HAS3: variants seen among roughly 807,000 people sequenced by gnomAD.
HAS3 encodes the protein HA synthase 3.
In HAS3, 27 loss-of-function variants were observed where a neutral mutation model predicts 50.3. That is an observed-to-expected ratio of 0.54 (90% CI 0.40 to 0.74). The LOEUF (loss-of-function observed/expected upper bound fraction) is 0.74, where lower values mean the gene tolerates loss of function less well. Among genes scored for constraint, HAS3 ranks in the 30% least tolerant of loss-of-function variants. The probability of loss-of-function intolerance (pLI) is 0.00; values close to 1 mark genes in which losing one functional copy is unlikely to be tolerated. For missense variants in HAS3, 517 were observed against 742.8 expected, an observed-to-expected ratio of 0.70 and a Z score of 3.53; for synonymous variants, 339 against 310.9, an observed-to-expected ratio of 1.09 and a Z score of -0.95.
rs1961128962 is a variant in HAS3 at position 69,114,867 on chromosome 16, T to C, written c.1263T>C (p.Ile421=). 2 of 1,613,990 alleles carry C rather than the reference T, an allele frequency of 1.2e-6. No individual in the cohort carries two copies. Among genetic ancestry groups the C allele is most frequent in the Non-Finnish European group, 1.7e-6 (2 of 1,180,024 alleles). ...LFLLTVQLVG[I]IKATYACFLR... ...TGCTGACGGTGCAGCTGGTGGGCAT[T>C]ATCAAGGCCACCTACGCCTGCTTCC... Residue 421 remains isoleucine, a synonymous_variant, in exon 4 of 4, where the codon ATT becomes ATC. Transcript: ENST00000569188. The surrounding 1 kb of genome is among the most constrained non-coding windows in gnomAD (Gnocchi z 6.4).
chr16:69,110,121 G>C, intron 2 of HAS3, 90 bp downstream of exon 2: 1 of 1,316,436 alleles, frequency 7.6e-7, no homozygotes, highest in Non-Finnish European at 1.0e-6. Flanking sequence ...GTCTGGTCTA[G>C]GTCCCTTGGG....
rs754949236 is a variant in HAS3 at position 69,107,961 on chromosome 16, G to C, written c.1-1435G>C. ...TCTCAGGTCGATTTAGGCAGTGACT[G>C]CGTGTTCTTCGTCCCTTCTACGTGA... On this transcript the variant is annotated intron_variant, in intron 1 of 3. Coordinates refer to ENST00000569188, the MANE Select transcript of HAS3 (RefSeq NM_001199280.2). This position sits in a 1 kb window ranked among gnomAD's most constrained non-coding sequence, Gnocchi z 5.5. Among the ~76,000 whole-genome samples the C allele has an allele frequency of 6.6e-6, 1 of 152,254 alleles. No individual in the cohort carries two copies. The highest frequency in any genetic ancestry group is 2.4e-5 in the African/African-American group (1 of 41,472).
intron 2 of HAS3, among the ~76,000 whole-genome samples, chr16:69,111,642 T>A (rs1248075667): frequency 2.0e-5 from 3 of 152,284 alleles, no homozygotes; most frequent in African/African-American, 7.2e-5. Context: ...TGAGGGTTGA[T>A]ATGTTTATCT....
rs1262660177 is a variant in HAS3, at chr16:69,115,773, G to A, written c.*507G>A. ...ATCAATGCAATAAGATTGCGCCTGA[G>A]ATACAAGGCCCAGAAGCCTGATCTT... On this transcript the variant is annotated 3_prime_UTR_variant, in exon 4 of 4. Coordinates refer to ENST00000569188, the MANE Select transcript of HAS3 (RefSeq NM_001199280.2). The A allele has an allele frequency of 8.1e-6, 8 of 986,140 alleles. No homozygotes were observed. The highest frequency in any genetic ancestry group is 8.4e-6 in the Non-Finnish European group (7 of 830,394). 61.1% of individuals were successfully genotyped at this position (986,140 alleles called of 1,614,324 possible). A position where few individuals can be genotyped will look rare whatever the true frequency, so the allele number is the denominator to read the frequency against.
downstream of HAS3, chr16:69,117,950 G>C (rs1961272879): frequency 4.6e-6 from 1 of 216,506 alleles, no homozygotes; most frequent in Non-Finnish European, 9.4e-6. Context: ...CTGAAACAAT[G>C]AAAAGCAGAG....
intron 2 of HAS3, among the ~76,000 whole-genome samples, chr16:69,112,768 TC>T (rs1961051671): frequency 6.6e-6 from 1 of 152,168 alleles, no homozygotes; most frequent in Admixed American, 6.5e-5. Flanking sequence ...GCCATAAGCC[TC>T]CCAAGAGCTG....
Position 69,116,276 on chromosome 16 carries a change from G to A in HAS3, c.*1010G>A, listed in dbSNP as rs1567583085. On this transcript the variant is annotated 3_prime_UTR_variant, in exon 4 of 4. Transcript: ENST00000569188. Reference sequence around the variant, plus strand: ...TCATCATAGGTAAGGTTTTCAAGGTGGCAATTGGGGCGGAGCCCCGGCTCT... The same window carrying A: ...TCATCATAGGTAAGGTTTTCAAGGTAGCAATTGGGGCGGAGCCCCGGCTCT... The A allele has an allele frequency of 1.0e-6, 1 of 985,588 alleles. No individual in the cohort carries two copies. The highest frequency in any genetic ancestry group is 1.2e-6 in the Non-Finnish European group (1 of 829,910). 61.1% of individuals were successfully genotyped at this position (985,588 alleles called of 1,614,324 possible). A position where few individuals can be genotyped will look rare whatever the true frequency, so the allele number is the denominator to read the frequency against.
the HAS3 span, among the ~76,000 whole-genome samples, chr16:69,095,733 G>T: frequency 1.1e-4 from 16 of 152,194 alleles, no homozygotes; most frequent in Non-Finnish European, 2.2e-4. Flanking sequence ...AAAATTAACT[G>T]CTGCAAGTAG....
At chr16:69,113,181 C>T (rs1307365191) in intron 2 of HAS3, among the ~76,000 whole-genome samples, 1 of 152,260 alleles carries the variant, frequency 6.6e-6, no homozygotes, top group African/African-American at 2.4e-5. Flanking sequence ...GCATGTCTCT[C>T]TCCACGCCTG....
chr16:69,105,084 T>G (rs1555532023), upstream of HAS3, among the ~76,000 whole-genome samples: 1 of 134,416 alleles, frequency 7.4e-6, no homozygotes, highest in Non-Finnish European at 1.6e-5. Flanking sequence ...TTCAGCTCAC[T>G]GCAACCTCCA....
Position 69,115,223 on chromosome 16 carries a change from GGAA to G in HAS3, c.1624_1626del (p.Lys542del). The G allele has an allele frequency of 6.5e-7, 1 of 1,544,258 alleles. No homozygotes were observed. The highest frequency in any genetic ancestry group is 8.7e-7 in the Non-Finnish European group (1 of 1,146,518). ...CTGGCCATCATCGCCCGGCGATGTGGGAAGAAGCCGGAGCAGTACAGCTTGGCT... is the reference window on the plus strand; with the variant it reads ...CTGGCCATCATCGCCCGGCGATGTGGGAAGCCGGAGCAGTACAGCTTGGCT... On this transcript the variant is annotated inframe_deletion, in exon 4 of 4. Transcript: ENST00000569188.
At chr16:69,092,619 A>AATAG in the HAS3 span, among the ~76,000 whole-genome samples, 1 of 150,168 alleles carries the variant, frequency 6.7e-6, no homozygotes, top group African/African-American at 2.5e-5. Flanking sequence ...AAAAAAAAAA[A>AATAG]AGTGATTCCC....
the HAS3 span, among the ~76,000 whole-genome samples, chr16:69,098,568 TG>T: frequency 6.6e-6 from 1 of 151,954 alleles, no homozygotes; most frequent in Non-Finnish European, 1.5e-5. Flanking sequence ...ATTACAAAAT[TG>T]TTTTACTTAT....
the HAS3 span, among the ~76,000 whole-genome samples, chr16:69,095,135 C>T: frequency 6.6e-6 from 1 of 152,162 alleles, no homozygotes; most frequent in Admixed American, 6.5e-5. Context: ...GCACGCGTCA[C>T]CACACCTGGC....
At position 69,116,715 on chromosome 16, in the gene HAS3, G is replaced by T. The variant is rs1177309995; in HGVS notation, c.*1449G>T. 2 of 985,306 alleles carry T rather than the reference G, an allele frequency of 2.0e-6. No individual in the cohort carries two copies. The highest frequency in any genetic ancestry group is 3.5e-5 in the African/African-American group (2 of 57,212). The allele number at this position is 985,306 out of a possible 1,614,324, so 61.0% of individuals were successfully genotyped here. A position where few individuals can be genotyped will look rare whatever the true frequency, so the allele number is the denominator to read the frequency against. On this transcript the variant is annotated 3_prime_UTR_variant, in exon 4 of 4. Coordinates refer to ENST00000569188, the MANE Select transcript of HAS3 (RefSeq NM_001199280.2). ...CTGTTTTCCCTCTGCTGCTTTTGGG[G>T]AATGAGGGGAAGCCATTTTCCAGTG... is the stretch of plus-strand genomic sequence containing the variant.
chr16:69,103,921 G>C (rs192376762), upstream of HAS3, among the ~76,000 whole-genome samples: 68 of 152,276 alleles, frequency 4.5e-4, no homozygotes, highest in East Asian at 8.1e-3. Flanking sequence ...GCAGACTCTA[G>C]AGCCCTCCCC....
chr16:69,092,500 G>C, the HAS3 span, among the ~76,000 whole-genome samples: 1 of 151,520 alleles, frequency 6.6e-6, no homozygotes, highest in Non-Finnish European at 1.5e-5. Context: ...CTACTCGGGA[G>C]GCTGAGGCAG....
intron 2 of HAS3, 147 bp from the exon 3 acceptor site, chr16:69,113,294 T>C (rs550064284): frequency 3.0e-6 from 2 of 672,766 alleles, no homozygotes; most frequent in Admixed American, 4.2e-5. Flanking sequence ...CACCTTCTGG[T>C]AGCGCAGATC....
intron 2 of HAS3, among the ~76,000 whole-genome samples, chr16:69,112,434 A>T (rs956089611): frequency 1.3e-5 from 2 of 152,094 alleles, no homozygotes; most frequent in African/African-American, 4.8e-5. Flanking sequence ...ATCTGTGGCC[A>T]CCCTGTCTTC....
Sources: gnomAD v4.1 joint callset for allele counts (sites outside exome capture counted in the v4.1 genomes callset) on GRCh38, gnomAD v4.1.1 for gene constraint, Gnocchi (gnomAD v3.1) non-coding constraint, MANE v1.5 for transcripts, NCBI Gene and HGNC (gene_info 2026-07-23, HGNC 2026-07-21) for gene names.